The following ATP6AP2 variants were observed in gnomAD, a reference collection of about 807,000 sequenced individuals.
ATP6AP2 encodes the protein ATPase H+ transporting accessory protein 2, also known as renin receptor.
A neutral mutation model predicts 23.4 loss-of-function variants in ATP6AP2; 1 was observed. That is an observed-to-expected ratio of 0.04 (90% CI 0.02 to 0.20). ATP6AP2 has a LOEUF of 0.20. ATP6AP2 is among the 10% of genes least tolerant of loss of function. The probability of loss-of-function intolerance (pLI) is 1.00; values close to 1 mark genes in which losing one functional copy is unlikely to be tolerated. For missense variants in ATP6AP2, 174 were observed against 271.3 expected, an observed-to-expected ratio of 0.64 and a Z score of 2.52; for synonymous variants, 90 against 97.1, an observed-to-expected ratio of 0.93 and a Z score of 0.43.
At chrX:40,587,387 A>G (rs116556608) in intron 1 of ATP6AP2, among the ~76,000 whole-genome samples, 4,011 of 112,294 alleles carry the variant, frequency 0.036, 159 homozygotes, top group African/African-American at 0.12. Flanking sequence ...TATCAGTTAC[A>G]AAAGACCATT....
At chrX:40,600,739 T>C in intron 7 of ATP6AP2, 23 bp from the exon 8 acceptor site, 1 of 1,190,951 alleles carries the variant, frequency 8.4e-7, no homozygotes, top group South Asian at 1.9e-5. Context: ...AGATTCCCAA[T>C]AATGTTAATA....
intron 8 of ATP6AP2, 126 bp downstream of exon 8, chrX:40,601,007 C>T: frequency 5.6e-6 from 4 of 716,457 alleles, no homozygotes; most frequent in Non-Finnish European, 8.1e-6. Context: ...AAAACAATTT[C>T]AGTTAAAACG....
At chrX:40,602,913 C>CTTTTT (rs1351897356) in intron 8 of ATP6AP2, among the ~76,000 whole-genome samples, 8 of 45,239 alleles carry the variant, frequency 1.8e-4, no homozygotes, top group African/African-American at 9.9e-4. Context: ...CCAGAGAATT[C>CTTTTT]TTTTTTTTTT....
chrX:40,591,132 A>G, intron 2 of ATP6AP2, 102 bp from the exon 3 acceptor site: 1 of 1,025,932 alleles, frequency 9.7e-7, no homozygotes, highest in Non-Finnish European at 1.4e-6. Context: ...TTTCCTTGTC[A>G]GTGTCATCTC....
chrX:40,602,470 G>A (rs1926943302), intron 8 of ATP6AP2, among the ~76,000 whole-genome samples: 1 of 86,374 alleles, frequency 1.2e-5, no homozygotes, highest in Non-Finnish European at 1.9e-5. Context: ...CCAACATGGT[G>A]AAACTCCGTC....
At chrX:40,600,677 A>C in intron 7 of ATP6AP2, 85 bp from the exon 8 acceptor site, 1 of 1,001,512 alleles carries the variant, frequency 1.0e-6, no homozygotes, top group Non-Finnish European at 1.4e-6. Context: ...TTGATGTGAT[A>C]AATATATATG....
At chrX:40,594,496 T>A (rs1926727810) in intron 3 of ATP6AP2, among the ~76,000 whole-genome samples, 1 of 112,788 alleles carries the variant, frequency 8.9e-6, no homozygotes, top group Non-Finnish European at 1.9e-5. Flanking sequence ...GAAATGATGC[T>A]GATCAAGTGA....
intron 5 of ATP6AP2, chrX:40,598,316 G>GTGGAAAC (rs1926824703): frequency 4.6e-6 from 1 of 216,636 alleles, no homozygotes; most frequent in Admixed American, 6.6e-5. Flanking sequence ...ATTCTCTGAT[G>GTGGAAAC]TGGAAACTAT....
At chrX:40,592,789 G>A (rs1191098278) in intron 3 of ATP6AP2, among the ~76,000 whole-genome samples, 2 of 109,034 alleles carry the variant, frequency 1.8e-5, no homozygotes, top group South Asian at 3.9e-4. Flanking sequence ...TCCTGTGGTC[G>A]AGTATAGATT....
chrX:40,605,489 G>A, intron 8 of ATP6AP2, 72 bp from the exon 9 acceptor site: 14 of 918,949 alleles, frequency 1.5e-5, no homozygotes, highest in Non-Finnish European at 2.2e-5. Flanking sequence ...ATGAATCACA[G>A]TCACTAGACT....
chrX:40,599,872 A>G lies in ATP6AP2; in HGVS notation c.738+131A>G, dbSNP rs930482369. The G allele has an allele frequency of 6.2e-6, 5 of 811,207 alleles. No homozygotes were observed. In the Admixed American group the frequency reaches 7.3e-5, roughly 12 times the overall value. 66.9% of individuals were successfully genotyped at this position (811,207 alleles called of 1,213,427 possible). On this transcript the variant is annotated intron_variant, in intron 7 of 8. Coordinates refer to ENST00000636580, the MANE Select transcript of ATP6AP2 (RefSeq NM_005765.3). Reference sequence around the variant, plus strand: ...CCTTCTTTGGGGCTCCTCTAATTATACTGGCCAAGGATGGAGTAGGGTCAA... The same window carrying G: ...CCTTCTTTGGGGCTCCTCTAATTATGCTGGCCAAGGATGGAGTAGGGTCAA...
rs190705723 is a variant in ATP6AP2, at chrX:40,605,424, T to G, written c.859-137T>G. On this transcript the variant is annotated intron_variant, in intron 8 of 8. Transcript: ENST00000636580. Reference sequence around the variant, plus strand: ...CTCCACAAAGGCGCTCCTTCTTGCTTCCTCCTAGTATAAGTAGCTGTTATG... The same window carrying G: ...CTCCACAAAGGCGCTCCTTCTTGCTGCCTCCTAGTATAAGTAGCTGTTATG... 699 of 560,545 alleles carry G rather than the reference T, an allele frequency of 1.2e-3. 2 individuals carry two copies. The highest frequency in any genetic ancestry group is 1.8e-3 in the Non-Finnish European group (637 of 346,412). 46.2% of individuals were successfully genotyped at this position (560,545 alleles called of 1,213,427 possible).
intron 8 of ATP6AP2, 165 bp from the exon 9 acceptor site, chrX:40,605,396 C>A (rs187627038): frequency 2.1e-6 from 1 of 470,686 alleles, no homozygotes; most frequent in Non-Finnish European, 3.7e-6. Context: ...GTGCAAGTGT[C>A]GTCTCCACAA....
chrX:40,598,621 C>T (rs1362449866), intron 5 of ATP6AP2, 60 bp from the exon 6 acceptor site: 1 of 1,075,193 alleles, frequency 9.3e-7, no homozygotes, highest in African/African-American at 1.8e-5. Context: ...TGGTAAATGG[C>T]AAATAAAGAT....
Position 40,588,943 on chromosome X carries a change from T to G in ATP6AP2, c.38-43T>G, listed in dbSNP as rs375287394. 6.8e-6 allele frequency: 8 copies of G among 1,178,412 alleles called. No homozygotes were observed. In the African/African-American group the frequency reaches 8.8e-5, roughly 13 times the overall value. On this transcript the variant is annotated intron_variant, in intron 1 of 8. Transcript: ENST00000636580. ...TTTAATAATTGTCAAGGTAAATGATTTATGATGTTGATAATTCATTTACTG... is the reference window on the plus strand; with the variant it reads ...TTTAATAATTGTCAAGGTAAATGATGTATGATGTTGATAATTCATTTACTG...
In ATP6AP2 at chrX:40,591,354, C is replaced by T. The variant is rs1926621605; in HGVS notation, c.289C>T (p.Pro97Ser). 1.2e-5 allele frequency: 15 copies of T among 1,210,647 alleles called. No individual in the cohort carries two copies. Among genetic ancestry groups the T allele is most frequent in the Non-Finnish European group, 1.7e-5 (15 of 894,897 alleles). ...ACCCCCAGGCAGTGTCATTTCGTACCCTTTGGAGAATGTGAGTATTTATTA... is the reference window on the plus strand; with the variant it reads ...ACCCCCAGGCAGTGTCATTTCGTACTCTTTGGAGAATGTGAGTATTTATTA... Reference protein sequence around the residue: ...ALPPGSVISYPLENAVPFSLD... With the variant: ...ALPPGSVISYSLENAVPFSLD... Residue 97 changes from proline to serine, a missense_variant, in exon 3 of 9, where the codon CCT becomes TCT. Physicochemically the swap from Pro to Ser is moderately conservative, Grantham distance 74 (BLOSUM62 -1). Coordinates refer to ENST00000636580, the MANE Select transcript of ATP6AP2 (RefSeq NM_005765.3).
chrX:40,602,299 CAAAAAT>C lies in ATP6AP2; in HGVS notation c.858+1426_858+1431del, dbSNP rs1308807655. Reference sequence around the variant, plus strand: ...TCCGTCTCAAATAAAAAAAAAATTACAAAAATAAAAATACATAGTTCAGCTCGCAAG... The same window carrying C: ...TCCGTCTCAAATAAAAAAAAAATTACAAAAATACATAGTTCAGCTCGCAAG... On this transcript the variant is annotated intron_variant, in intron 8 of 8. Coordinates refer to ENST00000636580, the MANE Select transcript of ATP6AP2 (RefSeq NM_005765.3). 5.1e-5 allele frequency among the ~76,000 whole-genome samples: 5 copies of C among 98,301 alleles called. 2 individuals are homozygous for C. The highest frequency in any genetic ancestry group is 2.4e-4 in the African/African-American group (5 of 21,240). The allele number at this position is 98,301 out of a possible 115,157, so 85.4% of individuals were successfully genotyped here.
intron 1 of ATP6AP2, among the ~76,000 whole-genome samples, chrX:40,583,680 A>G (rs148279253): frequency 1.8e-5 from 2 of 112,154 alleles, no homozygotes; most frequent in Non-Finnish European, 3.8e-5. Context: ...GACAAGGGTC[A>G]TAAGGCACCC....
Position 40,605,580 on chromosome X carries a change from A to G in ATP6AP2, c.878A>G (p.Tyr293Cys). ...TTGTAGAAGAACCCAGCAAGTCCCT[A>G]TAACCTTGCATATAAGTATAATTTT... ...AKQAKNPASP[Y>C]NLAYKYNFEY... is the part of the protein sequence containing the mutation. Residue 293 changes from tyrosine to cysteine, a missense_variant, in exon 9 of 9, where the codon TAT (tyrosine) becomes TGT (cysteine). Transcript: ENST00000636580. 1.7e-6 allele frequency: 2 copies of G among 1,206,956 alleles called. No homozygotes were observed. The highest frequency in any genetic ancestry group is 2.2e-6 in the Non-Finnish European group (2 of 891,597).
Sources: gnomAD v4.1 joint callset for allele counts (sites outside exome capture counted in the v4.1 genomes callset) on GRCh38, gnomAD v4.1.1 for gene constraint, MANE v1.5 for transcripts, NCBI Gene and HGNC (gene_info 2026-07-23, HGNC 2026-07-21) for gene names.